Variants in TENM2 observed in about 807,000 individuals in gnomAD.
TENM2 encodes the protein teneurin transmembrane protein 2.
In TENM2, 52 loss-of-function variants were observed where a neutral mutation model predicts 245.2. That is an observed-to-expected ratio of 0.21 (90% CI 0.17 to 0.27). TENM2 has a LOEUF of 0.27. Among genes scored for constraint, TENM2 ranks in the 10% least tolerant of loss-of-function variants. The pLI is 1.00. For synonymous variants in TENM2, 1,363 were observed against 1,438.9 expected (o/e 0.95, Z 1.19); for missense variants, 3,046 against 3,666.8 (o/e 0.83, Z 4.37).
chr5:167,191,286 G>A, the TENM2 span, among the ~76,000 whole-genome samples: 1 of 151,912 alleles, frequency 6.6e-6, no homozygotes, highest in East Asian at 1.9e-4. Flanking sequence ...AAAATAACAT[G>A]TATATGTCAT....
At chr5:167,000,097 T>C in the TENM2 span, among the ~76,000 whole-genome samples, 10 of 152,116 alleles carry the variant, frequency 6.6e-5, no homozygotes, top group African/African-American at 2.4e-4. Context: ...GATTGGAAAC[T>C]CCATCAGATT....
At chr5:167,052,634 G>T in the TENM2 span, among the ~76,000 whole-genome samples, 1 of 152,086 alleles carries the variant, frequency 6.6e-6, no homozygotes, top group South Asian at 2.1e-4. Flanking sequence ...CACTTAGATT[G>T]ATTTAATATA....
chr5:167,554,561 A>G (rs1773143272), intron 2 of TENM2, among the ~76,000 whole-genome samples: 1 of 152,186 alleles, frequency 6.6e-6, no homozygotes, highest in African/African-American at 2.4e-5. Flanking sequence ...GACACTTCCA[A>G]TGGCCACCAT....
chr5:167,466,501 G>T (rs545967703), intron 2 of TENM2, among the ~76,000 whole-genome samples: 2 of 152,240 alleles, frequency 1.3e-5, no homozygotes, highest in South Asian at 4.1e-4. Flanking sequence ...TGTTTTCGAG[G>T]TTTCTCATTC....
At chr5:167,984,864 G>A (rs532267255) in intron 4 of TENM2, among the ~76,000 whole-genome samples, 1 of 151,832 alleles carries the variant, frequency 6.6e-6, no homozygotes, top group South Asian at 2.1e-4. Context: ...TTCTCTCCAC[G>A]TTCCATGTCT....
chr5:168,241,676 T>G (rs191386936), intron 25 of TENM2, among the ~76,000 whole-genome samples: 1 of 152,338 alleles, frequency 6.6e-6, no homozygotes, highest in African/African-American at 2.4e-5. Context: ...CAGATTCCAC[T>G]TCTGCCACTT....
At chr5:167,899,244 TAGG>T (rs1302535017) in intron 3 of TENM2, among the ~76,000 whole-genome samples, 3 of 152,106 alleles carry the variant, frequency 2.0e-5, no homozygotes, top group Non-Finnish European at 2.9e-5. Flanking sequence ...GGGCAAGAGT[TAGG>T]AGAAGAGTCA....
intron 2 of TENM2, among the ~76,000 whole-genome samples, chr5:167,483,863 C>T (rs1767907728): frequency 6.6e-6 from 1 of 152,138 alleles, no homozygotes; most frequent in African/African-American, 2.4e-5. Flanking sequence ...TACAAAAGCT[C>T]CCCAAGGCAG....
intron 2 of TENM2, among the ~76,000 whole-genome samples, chr5:167,836,150 A>G (rs1388973636): frequency 6.6e-6 from 1 of 152,210 alleles, no homozygotes; most frequent in Non-Finnish European, 1.5e-5. Context: ...TTTTTATGAT[A>G]CATTTAAGAT....
chr5:168,107,814 C>T (rs1794373947), intron 9 of TENM2, among the ~76,000 whole-genome samples: 1 of 152,204 alleles, frequency 6.6e-6, no homozygotes, highest in Admixed American at 6.5e-5. Context: ...AACTGCTGCT[C>T]ATCATGGAAA....
intron 2 of TENM2, among the ~76,000 whole-genome samples, chr5:167,563,071 A>G (rs528370240): frequency 6.6e-6 from 1 of 152,152 alleles, no homozygotes; most frequent in Non-Finnish European, 1.5e-5. Context: ...TAGGTACTGT[A>G]GCAATGTTGG....
the TENM2 span, among the ~76,000 whole-genome samples, chr5:167,235,267 A>G: frequency 1.8e-4 from 27 of 152,192 alleles, no homozygotes; most frequent in South Asian, 5.0e-3. Flanking sequence ...TTTAACCTCA[A>G]TTACCTCTTT....
At chr5:168,037,748 C>T (rs1787840622) in intron 5 of TENM2, among the ~76,000 whole-genome samples, 1 of 152,084 alleles carries the variant, frequency 6.6e-6, no homozygotes, top group South Asian at 2.1e-4. Flanking sequence ...GTAGAGAGAG[C>T]ACCAGAGAGT....
At chr5:167,651,882 A>G (rs1246622978) in intron 2 of TENM2, among the ~76,000 whole-genome samples, 1 of 152,192 alleles carries the variant, frequency 6.6e-6, no homozygotes, top group Non-Finnish European at 1.5e-5. Context: ...CTTGAACAAG[A>G]TATACTGAAC....
the TENM2 span, among the ~76,000 whole-genome samples, chr5:167,148,835 C>T: frequency 0.025 from 3,757 of 152,168 alleles, 150 homozygotes; most frequent in African/African-American, 0.085. Flanking sequence ...ATAGTATGTG[C>T]TCAATATATG....
chr5:167,783,084 A>T (rs1362694433), intron 2 of TENM2, among the ~76,000 whole-genome samples: 1 of 152,118 alleles, frequency 6.6e-6, no homozygotes, highest in Non-Finnish European at 1.5e-5. Flanking sequence ...TTAATTTTTA[A>T]AGCACAGTGC....
At chr5:167,403,435 C>A (rs1277936636) in intron 2 of TENM2, among the ~76,000 whole-genome samples, 1 of 152,092 alleles carries the variant, frequency 6.6e-6, no homozygotes, top group African/African-American at 2.4e-5. Flanking sequence ...AACTAATAAA[C>A]TTACTTTAAA....
intron 23 of TENM2, among the ~76,000 whole-genome samples, chr5:168,224,302 C>G (rs77150539): frequency 0.043 from 6,618 of 152,220 alleles, 237 homozygotes; most frequent in East Asian, 0.21. Flanking sequence ...CGAGTGATAG[C>G]GGTGGATCCT....
chr5:168,246,906 G>A (rs761827232), exon 27 of TENM2: 8 of 1,613,924 alleles, frequency 5.0e-6, no homozygotes, highest in East Asian at 2.2e-5. Flanking sequence ...TTTACAACCC[G>A]CCTGAAAGCA....
Sources: gnomAD v4.1 joint callset for allele counts (sites outside exome capture counted in the v4.1 genomes callset) on GRCh38, gnomAD v4.1.1 for gene constraint, MANE v1.5 for transcripts, NCBI Gene and HGNC (gene_info 2026-07-23, HGNC 2026-07-21) for gene names.